PPP2R2B: variants seen among roughly 807,000 people sequenced by gnomAD.
The protein encoded by PPP2R2B is serine/threonine-protein phosphatase 2A 55 kDa regulatory subunit B beta isoform.
PPP2R2B carries 5 observed loss-of-function variants against 46.0 expected under a neutral mutation model. The ratio of observed to expected loss-of-function variants is 0.11; its 90% CI spans 0.06 to 0.23. The LOEUF is 0.23. Among genes scored for constraint, PPP2R2B ranks in the 10% least tolerant of loss-of-function variants. The pLI is 1.00. For synonymous variants in PPP2R2B, 215 were observed against 206.7 expected (o/e 1.04, Z -0.34); for missense variants, 367 against 575.0 (o/e 0.64, Z 3.70).
intron 2 of PPP2R2B, among the ~76,000 whole-genome samples, chr5:146,792,491 T>C (rs367903080): frequency 1.6e-3 from 245 of 152,288 alleles, no homozygotes; most frequent in African/African-American, 5.6e-3. Flanking sequence ...GGAACACAGA[T>C]TCTGGTGGAG....
At chr5:146,962,134 G>A (rs1334627915) in intron 1 of PPP2R2B, among the ~76,000 whole-genome samples, 3 of 145,160 alleles carry the variant, frequency 2.1e-5, no homozygotes, top group African/African-American at 7.8e-5. Flanking sequence ...GTCTGCACAT[G>A]GCTGGGGCTC....
In PPP2R2B at chr5:146,738,171, C is replaced by T. The variant is rs538358675; in HGVS notation, c.71-37029G>A. ...CAGCACTTTGGGAGGCTGAGGCGGG[C>T]GGATCACGAGGTCAGGAGATCGAGA... On this transcript the variant is annotated intron_variant, in intron 2 of 9. Transcript: ENST00000394411. Among the ~76,000 whole-genome samples, 16 of 151,548 alleles carry T rather than the reference C, an allele frequency of 1.1e-4. No individual in the cohort carries two copies. The South Asian group carries it at 2.9e-3, about 28-fold the overall frequency.
chr5:146,846,785 G>A (rs1760039796), intron 2 of PPP2R2B, among the ~76,000 whole-genome samples: 3 of 152,096 alleles, frequency 2.0e-5, no homozygotes, highest in Admixed American at 6.5e-5. Flanking sequence ...AATGATGCTG[G>A]TCTAGAATAT....
chr5:146,827,058 T>C (rs1201107065), intron 2 of PPP2R2B, among the ~76,000 whole-genome samples: 1 of 152,156 alleles, frequency 6.6e-6, no homozygotes, highest in African/African-American at 2.4e-5. Flanking sequence ...TCTTCCCCAT[T>C]CTTTTCCCCC....
chr5:146,640,331 T>A (rs1167165716), intron 6 of PPP2R2B, among the ~76,000 whole-genome samples: 2 of 152,242 alleles, frequency 1.3e-5, no homozygotes, highest in South Asian at 4.1e-4. Context: ...GTCTCCTGGA[T>A]TCACAAAATA....
At chr5:146,646,835 C>G (rs965809630) in intron 6 of PPP2R2B, among the ~76,000 whole-genome samples, 5 of 152,098 alleles carry the variant, frequency 3.3e-5, no homozygotes, top group Admixed American at 6.6e-5. Context: ...AGGCACTACC[C>G]TAAATGTGTG....
intron 2 of PPP2R2B, among the ~76,000 whole-genome samples, chr5:146,760,678 C>T (rs1754105397): frequency 6.6e-6 from 1 of 152,190 alleles, no homozygotes; most frequent in African/African-American, 2.4e-5. Flanking sequence ...TCTGCATGCT[C>T]TGCTGTGATT....
chr5:146,862,756 A>G (rs1392857043), intron 2 of PPP2R2B, among the ~76,000 whole-genome samples: 1 of 127,370 alleles, frequency 7.9e-6, no homozygotes, highest in Non-Finnish European at 1.6e-5. Flanking sequence ...GGGTCAAAGA[A>G]AAGTAAATTT....
intron 2 of PPP2R2B, among the ~76,000 whole-genome samples, chr5:146,747,419 A>T (rs1753260993): frequency 6.6e-6 from 1 of 152,232 alleles, no homozygotes; most frequent in Admixed American, 6.5e-5. Flanking sequence ...GCATCATGGC[A>T]TACTCACAGG....
At chr5:146,794,963 TA>T (rs569660748) in intron 2 of PPP2R2B, among the ~76,000 whole-genome samples, 159 of 152,166 alleles carry the variant, frequency 1.0e-3, no homozygotes, top group Non-Finnish European at 2.1e-3. Flanking sequence ...TCCTGCCCCC[TA>T]TTTTTTTTGT....
In PPP2R2B at chr5:146,878,323, G is replaced by T; in HGVS notation, c.-124-128C>A. The T allele has an allele frequency of 6.9e-7, 1 of 1,439,084 alleles. No homozygotes were observed. The highest frequency in any genetic ancestry group is 9.1e-7 in the Non-Finnish European group (1 of 1,102,638). The allele number at this position is 1,439,084 out of a possible 1,614,324, so 89.1% of individuals were successfully genotyped here. A position where few individuals can be genotyped will look rare whatever the true frequency, so the allele number is the denominator to read the frequency against. ...GCGCGGTGCGCTCACTCCAGCTCCA[G>T]TTCCCAGCGAGGATGCTGCGCCTGC... On this transcript the variant is annotated intron_variant, in intron 1 of 9. Coordinates refer to ENST00000394411, the MANE Select transcript of PPP2R2B (RefSeq NM_181675.4). This position sits in a 1 kb window ranked among gnomAD's most constrained non-coding sequence, Gnocchi z 4.5.
At chr5:146,884,915 C>T (rs934882744) in intron 1 of PPP2R2B, among the ~76,000 whole-genome samples, 1 of 152,046 alleles carries the variant, frequency 6.6e-6, no homozygotes, top group African/African-American at 2.4e-5. Flanking sequence ...CAAGAAATAC[C>T]ACTTTACAGA....
chr5:146,855,596 T>G (rs1320863729), intron 2 of PPP2R2B, among the ~76,000 whole-genome samples: 1 of 152,192 alleles, frequency 6.6e-6, no homozygotes, highest in Non-Finnish European at 1.5e-5. Flanking sequence ...AGAGCCTTTT[T>G]CCCTCTTCGT....
chr5:146,657,286 A>G (rs907367061), intron 5 of PPP2R2B, among the ~76,000 whole-genome samples: 1 of 152,206 alleles, frequency 6.6e-6, no homozygotes, highest in African/African-American at 2.4e-5. Flanking sequence ...GGCAACCTCC[A>G]GTAGCTCAGT....
chr5:146,722,015 T>G (rs1012849152), intron 2 of PPP2R2B, among the ~76,000 whole-genome samples: 2 of 152,100 alleles, frequency 1.3e-5, no homozygotes, highest in African/African-American at 4.8e-5. Context: ...AATAAAACCA[T>G]AAGGTAGATG....
chr5:146,843,409 C>T (rs1262993382), intron 2 of PPP2R2B, among the ~76,000 whole-genome samples: 1 of 152,184 alleles, frequency 6.6e-6, no homozygotes, highest in South Asian at 2.1e-4. Flanking sequence ...TCTCTTTACC[C>T]TGCAGTGATA....
chr5:146,665,846 C>T (rs1323015495), intron 5 of PPP2R2B, among the ~76,000 whole-genome samples: 1 of 152,140 alleles, frequency 6.6e-6, no homozygotes, highest in Non-Finnish European at 1.5e-5. Context: ...ATAATGAAAA[C>T]ATTTGAAATA....
intron 2 of PPP2R2B, among the ~76,000 whole-genome samples, chr5:146,869,329 A>T (rs568627292): frequency 6.6e-6 from 1 of 152,350 alleles, no homozygotes; most frequent in African/African-American, 2.4e-5. Flanking sequence ...AAACAAAAAC[A>T]CATATACACA....
At chr5:146,707,003 A>G in intron 2 of PPP2R2B, 1 of 987,598 alleles carries the variant, frequency 1.0e-6, no homozygotes, top group South Asian at 1.3e-5. Flanking sequence ...TCGTTAATGT[A>G]AGCTTCATCC....
Sources: allele counts gnomAD v4.1 joint callset (sites outside exome capture counted in the v4.1 genomes callset), GRCh38; gene constraint gnomAD v4.1.1; non-coding constraint Gnocchi (gnomAD v3.1); transcripts MANE v1.5; gene names NCBI Gene and HGNC (gene_info 2026-07-23, HGNC 2026-07-21).